PCDHB7: variants seen among roughly 807,000 people sequenced by gnomAD.
PCDHB7 encodes the protein protocadherin beta 7, also known as protocadherin beta-7.
For missense variants in PCDHB7, 1,148 were observed against 1,011.6 expected (o/e 1.13, Z -1.83); for synonymous variants, 542 against 463.1 (o/e 1.17, Z -2.19).
In PCDHB7 at chr5:141,174,165, G is replaced by T. The variant is rs373150563; in HGVS notation, c.1330G>T (p.Val444Phe). ...CAACATAACCGTGCTGGTCTCCGAC[G>T]TCAATGACAACGCTCCCGCCTTCAC... ...EHNITVLVSD[V>F]NDNAPAFTQT... Residue 444 changes from valine (V) to phenylalanine (F), a missense_variant, in exon 1 of 1, where the codon GTC becomes TTC. Physicochemically the swap from Val to Phe is conservative, Grantham distance 50. Transcript: ENST00000231137. 1 of 1,613,830 alleles carries T rather than the reference G, an allele frequency of 6.2e-7. No homozygotes were observed. Among genetic ancestry groups the T allele is most frequent in the Non-Finnish European group, 8.5e-7 (1 of 1,180,038 alleles).
chr5:141,174,138 C>A lies in PCDHB7; in HGVS notation c.1303C>A (p.His435Asn). 1.2e-6 allele frequency: 2 copies of A among 1,614,086 alleles called. No homozygotes were observed. Among genetic ancestry groups the A allele is most frequent in the Non-Finnish European group, 1.7e-6 (2 of 1,180,050 alleles). Residue 435 changes from histidine to asparagine, a missense_variant, in exon 1 of 1, where the codon CAC becomes AAC. Coordinates refer to ENST00000231137, the MANE Select transcript of PCDHB7 (RefSeq NM_018940.4). ...DLGTPRLKTE[H>N]NITVLVSDVN... ...GGGGACACCCAGGCTGAAAACCGAGCACAACATAACCGTGCTGGTCTCCGA... is the reference window on the plus strand; with the variant it reads ...GGGGACACCCAGGCTGAAAACCGAGAACAACATAACCGTGCTGGTCTCCGA...
Position 141,174,192 on chromosome 5 carries a change from C to T in PCDHB7, c.1357C>T (p.Gln453Ter), listed in dbSNP as rs782636757. ...CAATGACAACGCTCCCGCCTTCACC[C>T]AAACCTCCTACACCCTGTTTGTCCG... Reference protein sequence around the residue: ...DVNDNAPAFTQTSYTLFVREN... With the variant: ...DVNDNAPAFT Residue 453 changes from glutamine to a stop codon, truncating the protein, a stop_gained, in exon 1 of 1, where the codon CAA becomes TAA. Coordinates refer to ENST00000231137, the MANE Select transcript of PCDHB7 (RefSeq NM_018940.4). LOFTEE classifies it low-confidence loss of function (END_TRUNC). 1.2e-6 allele frequency: 2 copies of T among 1,613,464 alleles called. No homozygotes were observed. The highest frequency in any genetic ancestry group is 2.2e-5 in the South Asian group (2 of 91,040).
chr5:141,174,578 G>A lies in PCDHB7; in HGVS notation c.1743G>A (p.Glu581=). 6.2e-7 allele frequency: 1 copy of A among 1,610,382 alleles called. No homozygotes were observed. Among genetic ancestry groups the A allele is most frequent in the Non-Finnish European group, 8.5e-7 (1 of 1,179,656 alleles). Residue 581 remains glutamate (E), a synonymous_variant, in exon 1 of 1, where the codon GAG becomes GAA. Transcript: ENST00000231137. ...PCTEPLPRAA[E]PGYLVTKVVA... is the part of the protein sequence containing the mutation. The stretch of plus-strand genomic sequence containing the variant: ...CCGAGCCGTTGCCCCGGGCGGCCGA[G>A]CCGGGCTACCTGGTGACCAAGGTGG...
rs532394214 is a variant in PCDHB7, at chr5:141,175,492, A to T, written c.*275A>T. 3 of 464,290 alleles carry T rather than the reference A, an allele frequency of 6.5e-6. No individual in the cohort carries two copies. The highest frequency in any genetic ancestry group is 1.1e-5 in the Non-Finnish European group (3 of 268,914). 28.8% of individuals were successfully genotyped at this position (464,290 alleles called of 1,614,324 possible). On this transcript the variant is annotated 3_prime_UTR_variant, in exon 1 of 1. Transcript: ENST00000231137. ...TTTGAGATATTTTAAATTGCTTTCCATTGTTTTCAATCTCTACTGAGACTT... is the reference window on the plus strand; with the variant it reads ...TTTGAGATATTTTAAATTGCTTTCCTTTGTTTTCAATCTCTACTGAGACTT...
rs1292393622 is a variant in PCDHB7, at chr5:141,174,177, G to C, written c.1342G>C (p.Ala448Pro). The C allele has an allele frequency of 1.9e-6, 3 of 1,613,610 alleles. No homozygotes were observed. Among genetic ancestry groups the C allele is most frequent in the Admixed American group, 1.7e-5 (1 of 60,026 alleles). ...TVLVSDVNDN[A>P]PAFTQTSYTL... ...GCTGGTCTCCGACGTCAATGACAAC[G>C]CTCCCGCCTTCACCCAAACCTCCTA... The change falls in exon 1 of 1, where the codon GCT (alanine) becomes CCT (proline). Residue 448 changes from alanine to proline, a missense_variant. By Grantham distance (27) the Ala-to-Pro change is conservative. Transcript: ENST00000231137.
chr5:141,173,549 C>G lies in PCDHB7; in HGVS notation c.714C>G (p.Asn238Lys). Residue 238 changes from asparagine (N) to lysine (K), a missense_variant, in exon 1 of 1, where the codon AAC becomes AAG. Coordinates refer to ENST00000231137, the MANE Select transcript of PCDHB7 (RefSeq NM_018940.4). ...VRILVLDVND[N>K]APDFVRSLYK... ...TTCTGGTTCTAGACGTAAATGACAA[C>G]GCCCCTGATTTTGTGCGGTCGCTCT... 6.2e-7 allele frequency: 1 copy of G among 1,613,662 alleles called. No individual in the cohort carries two copies. The highest frequency in any genetic ancestry group is 8.5e-7 in the Non-Finnish European group (1 of 1,179,634).
At position 141,174,891 on chromosome 5, in the gene PCDHB7, G is replaced by A. The variant is rs200672237; in HGVS notation, c.2056G>A (p.Val686Ile). The A allele has an allele frequency of 1.9e-6, 3 of 1,611,204 alleles. No individual in the cohort carries two copies. Among genetic ancestry groups the A allele is most frequent in the East Asian group, 2.2e-5 (1 of 44,738 alleles). Residue 686 changes from valine to isoleucine, a missense_variant, in exon 1 of 1, where the codon GTC becomes ATC. By Grantham distance (29) the Val-to-Ile change is conservative. Transcript: ENST00000231137. ...CCCGGACCAGGCCAACTCGCTCACCGTCTACCTGGTGGTGGCGTTGGCCTC... is the reference window on the plus strand; with the variant it reads ...CCCGGACCAGGCCAACTCGCTCACCATCTACCTGGTGGTGGCGTTGGCCTC... The part of the protein sequence containing the change: ...AAPDQANSLT[V>I]YLVVALASVS...
chr5:141,173,204 C>A lies in PCDHB7; in HGVS notation c.369C>A (p.Val123=). ...AGATTTTCCGTGCTGAACTATGGGT[C>A]AGAGACATCAATGATCACGCTCCAG... The part of the protein sequence containing the change: ...PFQIFRAELW[V]RDINDHAPVF... Residue 123 remains valine (V), a synonymous_variant, in exon 1 of 1, where the codon GTC becomes GTA. Coordinates refer to ENST00000231137, the MANE Select transcript of PCDHB7 (RefSeq NM_018940.4). 1.2e-6 allele frequency: 2 copies of A among 1,614,012 alleles called. No individual in the cohort carries two copies. The highest frequency in any genetic ancestry group is 1.7e-6 in the Non-Finnish European group (2 of 1,179,972).
At position 141,173,273 on chromosome 5, in the gene PCDHB7, C is replaced by A; in HGVS notation, c.438C>A (p.Thr146=). 6.2e-7 allele frequency: 1 copy of A among 1,614,060 alleles called. No individual in the cohort carries two copies. Among genetic ancestry groups the A allele is most frequent in the Non-Finnish European group, 8.5e-7 (1 of 1,179,998 alleles). ...TTTCCTTGAAAATATTAGAAAGTAC[C>A]ACTCCAGGGGCGGCATTTCTCCTAG... ...REISLKILES[T]TPGAAFLLES... is the part of the protein sequence containing the mutation. Residue 146 remains threonine, a synonymous_variant, in exon 1 of 1, where the codon ACC becomes ACA. Coordinates refer to ENST00000231137, the MANE Select transcript of PCDHB7 (RefSeq NM_018940.4).
chr5:141,174,266 C>G lies in PCDHB7; in HGVS notation c.1431C>G (p.Asp477Glu), dbSNP rs1563917171. The change falls in exon 1 of 1, where the codon GAC becomes GAG. Residue 477 changes from aspartate (D) to glutamate (E), a missense_variant. Physicochemically the swap from Asp to Glu is conservative, Grantham distance 45. Coordinates refer to ENST00000231137, the MANE Select transcript of PCDHB7 (RefSeq NM_018940.4). ...CCATCGGCAGTGTCAGCGCCACAGA[C>G]AGAGACTCGGGCACCAACGCCCAGG... ...ALPIGSVSAT[D>E]RDSGTNAQVI... The G allele has an allele frequency of 6.2e-7, 1 of 1,612,516 alleles. No individual in the cohort carries two copies. Among genetic ancestry groups the G allele is most frequent in the Non-Finnish European group, 8.5e-7 (1 of 1,179,616 alleles).
chr5:141,174,974 G>C lies in PCDHB7; in HGVS notation c.2139G>C (p.Arg713Ser), dbSNP rs146189351. 1.7e-4 allele frequency: 266 copies of C among 1,611,086 alleles called. No homozygotes were observed. Among genetic ancestry groups the C allele is most frequent in the Non-Finnish European group, 4.8e-5 (56 of 1,177,896 alleles). The part of the protein sequence containing the change: ...VLLFVAVRLC[R>S]RSRAAPVGRC... ...TGTTCGTGGCGGTGCGGCTGTGCAGGAGGAGCAGGGCGGCCCCGGTGGGTC... is the reference window on the plus strand; with the variant it reads ...TGTTCGTGGCGGTGCGGCTGTGCAGCAGGAGCAGGGCGGCCCCGGTGGGTC... Residue 713 changes from arginine to serine, a missense_variant, in exon 1 of 1, where the codon AGG becomes AGC. Coordinates refer to ENST00000231137, the MANE Select transcript of PCDHB7 (RefSeq NM_018940.4).
At position 141,174,604 on chromosome 5, in the gene PCDHB7, T is replaced by C; in HGVS notation, c.1769T>C (p.Val590Ala). The C allele has an allele frequency of 6.2e-7, 1 of 1,610,382 alleles. No homozygotes were observed. The highest frequency in any genetic ancestry group is 2.2e-5 in the East Asian group (1 of 44,844). Residue 590 changes from valine (V) to alanine (A), a missense_variant, in exon 1 of 1, where the codon GTG becomes GCG. Val to Ala is a moderately conservative substitution (Grantham distance 64). Transcript: ENST00000231137. ...CCGGGCTACCTGGTGACCAAGGTGG[T>C]GGCGGTGGACGGCGACTCGGGCCAG... is the stretch of plus-strand genomic sequence containing the variant. ...AEPGYLVTKV[V>A]AVDGDSGQNA...
rs782004952 is a variant in PCDHB7 at position 141,173,751 on chromosome 5, C to T, written c.916C>T (p.Gln306Ter). ...ATCTGGCAGTCTTCATCTTAAAGCGCAATTGGACTATGAGGCAATTCAAAC... is the reference window on the plus strand; with the variant it reads ...ATCTGGCAGTCTTCATCTTAAAGCGTAATTGGACTATGAGGCAATTCAAAC... Reference protein sequence around the residue: ...PTSGSLHLKAQLDYEAIQTYT... With the variant: ...PTSGSLHLKA The change falls in exon 1 of 1, where the codon CAA becomes TAA. Residue 306 changes from glutamine (Q) to a stop codon, truncating the protein, a stop_gained. Transcript: ENST00000231137. LOFTEE classifies it low-confidence loss of function (END_TRUNC). 8 of 1,613,974 alleles carry T rather than the reference C, an allele frequency of 5.0e-6. No individual in the cohort carries two copies. The South Asian group carries it at 6.6e-5, about 13-fold the overall frequency.
chr5:141,174,262 C>T lies in PCDHB7; in HGVS notation c.1427C>T (p.Thr476Ile), dbSNP rs782191220. 7.4e-6 allele frequency: 12 copies of T among 1,612,602 alleles called. No homozygotes were observed. The highest frequency in any genetic ancestry group is 8.5e-6 in the Non-Finnish European group (10 of 1,179,580). ...CTGCCCATCGGCAGTGTCAGCGCCA[C>T]AGACAGAGACTCGGGCACCAACGCC... The part of the protein sequence containing the change: ...PALPIGSVSA[T>I]DRDSGTNAQV... The change falls in exon 1 of 1, where the codon ACA (threonine) becomes ATA (isoleucine). Residue 476 changes from threonine to isoleucine, a missense_variant. Coordinates refer to ENST00000231137, the MANE Select transcript of PCDHB7 (RefSeq NM_018940.4).
Position 141,174,417 on chromosome 5 carries a change from G to A in PCDHB7, c.1582G>A (p.Glu528Lys). 8 of 1,612,234 alleles carry A rather than the reference G, an allele frequency of 5.0e-6. No individual in the cohort carries two copies. The highest frequency in any genetic ancestry group is 6.8e-6 in the Non-Finnish European group (8 of 1,179,796). ...GGACTACGAGGCCCTGCAGGCGTTC[G>A]AGTTCCGCGTGGGCGCCACAGACCG... ...SLDYEALQAF[E>K]FRVGATDRGS... Residue 528 changes from glutamate to lysine, a missense_variant, in exon 1 of 1, where the codon GAG (glutamate) becomes AAG (lysine). Coordinates refer to ENST00000231137, the MANE Select transcript of PCDHB7 (RefSeq NM_018940.4).
rs182863457 is a variant in PCDHB7 at position 141,173,124 on chromosome 5, G to A, written c.289G>A (p.Gly97Ser). The change falls in exon 1 of 1, where the codon GGC (glycine) becomes AGC (serine). Residue 97 changes from glycine to serine, a missense_variant. Coordinates refer to ENST00000231137, the MANE Select transcript of PCDHB7 (RefSeq NM_018940.4). The part of the protein sequence containing the change: ...NEKLDREELC[G>S]PREPCVLPFQ... ...GAAATTGGACCGAGAGGAACTGTGT[G>A]GCCCCAGAGAGCCCTGTGTGCTGCC... is the stretch of plus-strand genomic sequence containing the variant. 11 of 1,614,194 alleles carry A rather than the reference G, an allele frequency of 6.8e-6. No homozygotes were observed. The Admixed American group carries it at 1.7e-4, about 24-fold the overall frequency.
Position 141,173,967 on chromosome 5 carries a change from A to G in PCDHB7, c.1132A>G (p.Asn378Asp). ...FRIRDRDSGNNGKTVCSIQDD... is the reference protein window; with the variant it reads ...FRIRDRDSGNDGKTVCSIQDD... ...GATTAGAGACAGAGATTCCGGGAAC[A>G]ATGGAAAGACAGTGTGCTCCATCCA... The change falls in exon 1 of 1, where the codon AAT (asparagine) becomes GAT (aspartate). Residue 378 changes from asparagine (N) to aspartate (D), a missense_variant. Coordinates refer to ENST00000231137, the MANE Select transcript of PCDHB7 (RefSeq NM_018940.4). The G allele has an allele frequency of 6.2e-7, 1 of 1,613,910 alleles. No individual in the cohort carries two copies. The highest frequency in any genetic ancestry group is 8.5e-7 in the Non-Finnish European group (1 of 1,179,834).
Position 141,173,110 on chromosome 5 carries a change from G to T in PCDHB7, c.275G>T (p.Arg92Leu). Reference protein sequence around the residue: ...GDLLLNEKLDREELCGPREPC... With the variant: ...GDLLLNEKLDLEELCGPREPC... ...CTACTTCTAAATGAGAAATTGGACCGAGAGGAACTGTGTGGCCCCAGAGAG... is the reference window on the plus strand; with the variant it reads ...CTACTTCTAAATGAGAAATTGGACCTAGAGGAACTGTGTGGCCCCAGAGAG... Residue 92 changes from arginine (R) to leucine (L), a missense_variant, in exon 1 of 1, where the codon CGA becomes CTA. By Grantham distance (102) the Arg-to-Leu change is moderately radical. Coordinates refer to ENST00000231137, the MANE Select transcript of PCDHB7 (RefSeq NM_018940.4). 1.2e-6 allele frequency: 2 copies of T among 1,614,186 alleles called. No homozygotes were observed. The highest frequency in any genetic ancestry group is 1.7e-6 in the Non-Finnish European group (2 of 1,180,040).
Position 141,174,530 on chromosome 5 carries a change from G to T in PCDHB7, c.1695G>T (p.Leu565=). 1.2e-6 allele frequency: 2 copies of T among 1,610,510 alleles called. No homozygotes were observed. Among genetic ancestry groups the T allele is most frequent in the Non-Finnish European group, 1.7e-6 (2 of 1,179,640 alleles). Reference sequence around the variant, plus strand: ...ACTCGCCCTTCGTGCTGTACCCGCTGCAGAACAGCTCCGCGCCCTGCACCG... The same window carrying T: ...ACTCGCCCTTCGTGCTGTACCCGCTTCAGAACAGCTCCGCGCCCTGCACCG... ...NDNSPFVLYP[L]QNSSAPCTEP... The change falls in exon 1 of 1, where the codon CTG becomes CTT. Residue 565 remains leucine, a synonymous_variant. Coordinates refer to ENST00000231137, the MANE Select transcript of PCDHB7 (RefSeq NM_018940.4).
Sources: gnomAD v4.1 joint callset for allele counts on GRCh38, gnomAD v4.1.1 for gene constraint, MANE v1.5 for transcripts, NCBI Gene and HGNC (gene_info 2026-07-23, HGNC 2026-07-21) for gene names.